The following KLHDC4 variants were observed in gnomAD, a reference collection of about 807,000 sequenced individuals.
KLHDC4 encodes kelch domain-containing protein 4.
A neutral mutation model predicts 62.4 loss-of-function variants in KLHDC4; 90 were observed. That is an observed-to-expected ratio of 1.44 (90% CI 1.22 to 1.72). KLHDC4 has a LOEUF of 1.72. KLHDC4 is among the 40% of genes most tolerant of loss of function. The pLI, the probability that KLHDC4 is intolerant of heterozygous loss-of-function variation, is 0.00. For synonymous variants in KLHDC4, 386 were observed against 284.4 expected, an observed-to-expected ratio of 1.36 and a Z score of -3.59; for missense variants, 1,025 against 699.7, an observed-to-expected ratio of 1.47 and a Z score of -5.25.
Position 87,738,012 on chromosome 16 carries a change from T to A in KLHDC4, c.507-7368A>T, listed in dbSNP as rs114279057. The stretch of plus-strand genomic sequence containing the variant: ...CCCGGCCTTCCAGCAGGGCAGGTTC[T>A]GCCTTCATGAGCTACTGCTGTTTGC... On this transcript the variant is annotated intron_variant, in intron 5 of 11. Transcript: ENST00000270583. Among the ~76,000 whole-genome samples the A allele has an allele frequency of 4.9e-3, 748 of 152,322 alleles. 6 individuals carry two copies. The highest frequency in any genetic ancestry group is 0.018 in the African/African-American group (734 of 41,566).
chr16:87,702,037 G>T lies in KLHDC4; in HGVS notation c.478C>A (p.Pro160Thr), dbSNP rs746187395. ...AGCTCCTTACAGAGGCTAACGCCGG[G>T]TCTGGTCCCTGGTGACCCCAGGCTG... Residue 160 changes from proline (P) to threonine (T), a missense_variant, in exon 1 of 1, where the codon CCC becomes ACC. Coordinates refer to the KLHDC4 transcript ENST00000446344. The T allele has an allele frequency of 4.4e-5, 20 of 456,156 alleles. No individual in the cohort carries two copies. In the Middle Eastern group the frequency reaches 9.7e-4, roughly 22 times the overall value. The allele number at this position is 456,156 out of a possible 1,614,324, so 28.3% of individuals were successfully genotyped here.
At chr16:87,747,107 A>C (rs1380885380) in intron 5 of KLHDC4, among the ~76,000 whole-genome samples, 1 of 152,192 alleles carries the variant, frequency 6.6e-6, no homozygotes, top group Non-Finnish European at 1.5e-5. Flanking sequence ...GATCCGAGTG[A>C]CAGAACCAGC....
At chr16:87,713,136 A>G (rs1473416576) in intron 8 of KLHDC4, among the ~76,000 whole-genome samples, 1 of 152,174 alleles carries the variant, frequency 6.6e-6, no homozygotes, top group African/African-American at 2.4e-5. Flanking sequence ...GGCTAGAACA[A>G]TCCTCCCACC....
chr16:87,718,208 G>A (rs932372149), intron 7 of KLHDC4, among the ~76,000 whole-genome samples: 11 of 152,028 alleles, frequency 7.2e-5, no homozygotes, highest in South Asian at 4.1e-4. Flanking sequence ...TGGATCACCT[G>A]TGCTCAAGCT....
chr16:87,706,058 C>T (rs1186860116), downstream of KLHDC4, among the ~76,000 whole-genome samples: 7 of 149,148 alleles, frequency 4.7e-5, no homozygotes, highest in South Asian at 2.1e-4. Context: ...GAGGAGGGGT[C>T]GGCGGAACGC....
At chr16:87,758,698 T>C (rs1274858727) in intron 2 of KLHDC4, among the ~76,000 whole-genome samples, 2 of 152,220 alleles carry the variant, frequency 1.3e-5, no homozygotes, top group Non-Finnish European at 2.9e-5. Flanking sequence ...AATCTCATCA[T>C]GTTTTAAGAA....
At chr16:87,738,553 T>TCATC (rs1324278586) in intron 5 of KLHDC4, among the ~76,000 whole-genome samples, 7 of 149,394 alleles carry the variant, frequency 4.7e-5, no homozygotes, top group East Asian at 4.0e-4. Flanking sequence ...CACCAGCACC[T>TCATC]CATCCACACA....
chr16:87,720,363 G>A (rs1284598801), intron 7 of KLHDC4, among the ~76,000 whole-genome samples: 2 of 152,132 alleles, frequency 1.3e-5, no homozygotes, highest in Non-Finnish European at 2.9e-5. Flanking sequence ...GAAACCATGG[G>A]GGCCGCTCCT....
Position 87,756,274 on chromosome 16 carries a change from G to T in KLHDC4, c.270+125C>A, listed in dbSNP as rs1030924207. 13 of 697,482 alleles carry T rather than the reference G, an allele frequency of 1.9e-5. No individual in the cohort carries two copies. The Admixed American group carries it at 2.8e-4, about 15-fold the overall frequency. 43.2% of individuals were successfully genotyped at this position (697,482 alleles called of 1,614,324 possible). The stretch of plus-strand genomic sequence containing the variant: ...GGCGACGTCTCACATCAGGCCTGAC[G>T]GCTCAAGCGCGTGATACAAGGGGTG... On this transcript the variant is annotated intron_variant, in intron 3 of 11. Coordinates refer to ENST00000270583, the MANE Select transcript of KLHDC4 (RefSeq NM_017566.4).
intron 4 of KLHDC4, among the ~76,000 whole-genome samples, chr16:87,750,038 G>A (rs957317072): frequency 6.6e-6 from 1 of 152,152 alleles, no homozygotes; most frequent in Admixed American, 6.5e-5. Flanking sequence ...CGGCATCCCT[G>A]ACGGGTCATC....
At chr16:87,722,486 T>C (rs377027657) in intron 7 of KLHDC4, among the ~76,000 whole-genome samples, 17 of 152,332 alleles carry the variant, frequency 1.1e-4, no homozygotes, top group East Asian at 3.9e-4. Context: ...CTCTGGAGCC[T>C]TGCCATGCAG....
At chr16:87,720,590 C>A (rs2038087869) in intron 7 of KLHDC4, among the ~76,000 whole-genome samples, 1 of 152,256 alleles carries the variant, frequency 6.6e-6, no homozygotes, top group South Asian at 2.1e-4. Flanking sequence ...CAGGAGGCAT[C>A]TCACGTTTTG....
rs1330590621 is a variant in KLHDC4, at chr16:87,719,205, A to G, written c.760-4632T>C. Among the ~76,000 whole-genome samples the G allele has an allele frequency of 1.3e-4, 20 of 152,368 alleles. No individual in the cohort carries two copies. The East Asian group carries it at 3.9e-3, about 29-fold the overall frequency. On this transcript the variant is annotated intron_variant, in intron 7 of 11. Coordinates refer to ENST00000270583, the MANE Select transcript of KLHDC4 (RefSeq NM_017566.4). ...TCATTGAGAATGGGCCATGATGATG[A>G]TGGTGGTTTTGTCAAATAGAAAAGG...
At chr16:87,763,127 G>C (rs1026407755) in intron 1 of KLHDC4, among the ~76,000 whole-genome samples, 1 of 152,092 alleles carries the variant, frequency 6.6e-6, no homozygotes. Context: ...CTTTATCCAA[G>C]ACATTCCTGT....
chr16:87,730,343 G>C (rs2040121840), intron 6 of KLHDC4, among the ~76,000 whole-genome samples: 2 of 152,236 alleles, frequency 1.3e-5, no homozygotes, highest in East Asian at 1.9e-4. Context: ...CAATGGTTAA[G>C]AATTTCAATA....
chr16:87,754,284 T>C (rs1019114706), intron 4 of KLHDC4, among the ~76,000 whole-genome samples: 3 of 152,150 alleles, frequency 2.0e-5, no homozygotes, highest in Admixed American at 6.6e-5. Flanking sequence ...GGGCAGAGGT[T>C]GCAATGAGCC....
chr16:87,755,435 T>A (rs538651133), intron 3 of KLHDC4, 143 bp from the exon 4 acceptor site: 2 of 533,252 alleles, frequency 3.8e-6, no homozygotes, highest in Non-Finnish European at 6.8e-6. Flanking sequence ...GGCCATGGGC[T>A]GGGTCCCCGG....
At chr16:87,724,164 T>G (rs74547838) in intron 7 of KLHDC4, among the ~76,000 whole-genome samples, 5,633 of 152,260 alleles carry the variant, frequency 0.037, 345 homozygotes, top group African/African-American at 0.13. Flanking sequence ...CAGATGCTGC[T>G]GAGACAAGTG....
intron 7 of KLHDC4, among the ~76,000 whole-genome samples, chr16:87,719,123 T>C (rs1597457327): frequency 1.3e-5 from 2 of 149,400 alleles, no homozygotes; most frequent in Non-Finnish European, 3.0e-5. Context: ...GGCTGCCCCG[T>C]CTGGGAAGTG....
Sources: allele counts gnomAD v4.1 joint callset (sites outside exome capture counted in the v4.1 genomes callset), GRCh38; gene constraint gnomAD v4.1.1; transcripts MANE v1.5; gene names NCBI Gene and HGNC (gene_info 2026-07-23, HGNC 2026-07-21).